P2RY14: variants seen among roughly 807,000 people sequenced by gnomAD.
The protein encoded by P2RY14 is purinergic receptor P2Y14.
A neutral mutation model predicts 0.9 loss-of-function variants in P2RY14; 2 were observed. That is an observed-to-expected ratio of 2.16 (90% CI 0.88 to 6.79). P2RY14 has a LOEUF of 6.79. P2RY14 is among the 30% of genes most tolerant of loss of function. The probability of loss-of-function intolerance (pLI) is 0.05; values close to 1 mark genes in which losing one functional copy is unlikely to be tolerated. For synonymous variants in P2RY14, 158 were observed against 147.2 expected (o/e 1.07, Z -0.53); for missense variants, 378 against 400.1 (o/e 0.94, Z 0.47).
chr3:151,238,978 TGAGAGACAA>T (rs1349116095), intron 1 of P2RY14, among the ~76,000 whole-genome samples: 9 of 152,176 alleles, frequency 5.9e-5, no homozygotes, highest in African/African-American at 2.2e-4. Context: ...CTGAATGAAC[TGAGAGACAA>T]TTTTTGACAA....
chr3:151,216,479 T>G lies in P2RY14; in HGVS notation c.-24-2139A>C, dbSNP rs139623433. The stretch of plus-strand genomic sequence containing the variant: ...AAAATAGTACATCCATGTAAACTTG[T>G]GTGCTGCTTCCTACACAAGAATATC... On this transcript the variant is annotated intron_variant, in intron 2 of 2. Transcript: ENST00000309170. 1.5e-3 allele frequency among the ~76,000 whole-genome samples: 223 copies of G among 152,360 alleles called. 3 individuals are homozygous for G. The highest frequency in any genetic ancestry group is 0.013 in the Admixed American group (204 of 15,304).
At chr3:151,231,545 A>G (rs1371966172) in intron 1 of P2RY14, among the ~76,000 whole-genome samples, 1 of 152,232 alleles carries the variant, frequency 6.6e-6, no homozygotes, top group African/African-American at 2.4e-5. Context: ...AGACAAATTT[A>G]GAATATGAAA....
chr3:151,264,310 A>G (rs879841833), intron 1 of P2RY14, among the ~76,000 whole-genome samples: 1 of 152,256 alleles, frequency 6.6e-6, no homozygotes, highest in Non-Finnish European at 1.5e-5. Context: ...GTTTGTGCTC[A>G]CTTAGCATAA....
chr3:151,213,259 C>G lies in P2RY14; in HGVS notation c.*41G>C, dbSNP rs756302880. The G allele has an allele frequency of 6.2e-6, 9 of 1,455,648 alleles. No homozygotes were observed. Among genetic ancestry groups the G allele is most frequent in the Non-Finnish European group, 8.4e-6 (9 of 1,072,588 alleles). The allele number at this position is 1,455,648 out of a possible 1,614,324, so 90.2% of individuals were successfully genotyped here. A position where few individuals can be genotyped will look rare whatever the true frequency, so the allele number is the denominator to read the frequency against. On this transcript the variant is annotated 3_prime_UTR_variant, in exon 3 of 3. Coordinates refer to ENST00000309170, the MANE Select transcript of P2RY14 (RefSeq NM_014879.4). ...ATTTCTGTTATGTAATTGAAGATGACAACATGCACACGTGGTCTTTCTTTG... is the reference window on the plus strand; with the variant it reads ...ATTTCTGTTATGTAATTGAAGATGAGAACATGCACACGTGGTCTTTCTTTG...
intron 1 of P2RY14, among the ~76,000 whole-genome samples, chr3:151,268,873 C>G (rs564290657): frequency 1.3e-5 from 2 of 152,130 alleles, no homozygotes; most frequent in African/African-American, 2.4e-5. Context: ...CCTTCCCAAC[C>G]TTCGGTTGGT....
chr3:151,229,889 A>G (rs1731288692), intron 1 of P2RY14, among the ~76,000 whole-genome samples: 1 of 152,188 alleles, frequency 6.6e-6, no homozygotes, highest in Non-Finnish European at 1.5e-5. Context: ...CAGCTTGAAG[A>G]TGTTGTTCAA....
intron 1 of P2RY14, among the ~76,000 whole-genome samples, chr3:151,251,300 C>G (rs1021598521): frequency 1.3e-5 from 2 of 152,164 alleles, no homozygotes; most frequent in Non-Finnish European, 2.9e-5. Flanking sequence ...TGTGATAATA[C>G]CATCTACCCA....
At chr3:151,257,892 C>T (rs770182051) in intron 1 of P2RY14, among the ~76,000 whole-genome samples, 4 of 152,198 alleles carry the variant, frequency 2.6e-5, no homozygotes, top group Admixed American at 2.6e-4. Flanking sequence ...CTACTACAGC[C>T]TTTGAATGGC....
chr3:151,250,702 T>C (rs1390047490), intron 1 of P2RY14, among the ~76,000 whole-genome samples: 1 of 152,252 alleles, frequency 6.6e-6, no homozygotes, highest in Non-Finnish European at 1.5e-5. Context: ...ACCTTTTGGC[T>C]ATTGTGAACA....
intron 1 of P2RY14, among the ~76,000 whole-genome samples, chr3:151,270,319 A>G (rs1740698063): frequency 6.6e-6 from 1 of 151,292 alleles, no homozygotes; most frequent in Non-Finnish European, 1.5e-5. Context: ...TTTGGGGGGA[A>G]AATAACTTGA....
At chr3:151,223,249 A>G (rs914671370) in intron 1 of P2RY14, among the ~76,000 whole-genome samples, 1 of 151,386 alleles carries the variant, frequency 6.6e-6, no homozygotes, top group Non-Finnish European at 1.5e-5. Context: ...GTGGGATTGT[A>G]AATTAGTTCA....
chr3:151,265,758 A>G (rs1259854543), intron 1 of P2RY14, among the ~76,000 whole-genome samples: 2 of 152,094 alleles, frequency 1.3e-5, no homozygotes, highest in African/African-American at 4.8e-5. Flanking sequence ...AGAGTATAGT[A>G]TTTCTGGTTC....
chr3:151,227,669 A>G (rs1346862974), intron 1 of P2RY14, among the ~76,000 whole-genome samples: 30 of 152,344 alleles, frequency 2.0e-4, no homozygotes, highest in Non-Finnish European at 4.4e-5. Context: ...ATAGTCATGC[A>G]GTCTTCCCGA....
At chr3:151,223,134 A>G (rs1729722950) in intron 1 of P2RY14, among the ~76,000 whole-genome samples, 1 of 149,658 alleles carries the variant, frequency 6.7e-6, no homozygotes, top group African/African-American at 2.5e-5. Context: ...TGTAAATCAT[A>G]TATTCTAACT....
At chr3:151,241,536 T>G (rs1734078252) in intron 1 of P2RY14, among the ~76,000 whole-genome samples, 1 of 152,164 alleles carries the variant, frequency 6.6e-6, no homozygotes, top group South Asian at 2.1e-4. Context: ...TGTGGAGAGA[T>G]GCAAATGCTA....
chr3:151,227,067 C>T (rs1730654728), intron 1 of P2RY14, among the ~76,000 whole-genome samples: 1 of 152,168 alleles, frequency 6.6e-6, no homozygotes, highest in African/African-American at 2.4e-5. Flanking sequence ...AGCTCAAGAT[C>T]AGGTCACTTG....
chr3:151,258,951 G>T (rs1375033293), intron 1 of P2RY14, among the ~76,000 whole-genome samples: 1 of 151,968 alleles, frequency 6.6e-6, no homozygotes, highest in Non-Finnish European at 1.5e-5. Flanking sequence ...GTTAGCCTCT[G>T]CAGGCTTCGC....
intron 1 of P2RY14, among the ~76,000 whole-genome samples, chr3:151,255,769 T>C (rs1249014682): frequency 6.6e-6 from 1 of 152,208 alleles, no homozygotes; most frequent in Admixed American, 6.5e-5. Flanking sequence ...TTGCAGTTAA[T>C]GCTACATAAC....
At chr3:151,243,442 A>G (rs1260063388) in intron 1 of P2RY14, among the ~76,000 whole-genome samples, 1 of 152,132 alleles carries the variant, frequency 6.6e-6, no homozygotes, top group Non-Finnish European at 1.5e-5. Flanking sequence ...ACAAGCCAGA[A>G]GAGAGTGGGG....
Sources: gnomAD v4.1 joint callset for allele counts (sites outside exome capture counted in the v4.1 genomes callset) on GRCh38, gnomAD v4.1.1 for gene constraint, MANE v1.5 for transcripts, NCBI Gene and HGNC (gene_info 2026-07-23, HGNC 2026-07-21) for gene names.